The following CATSPERT variants were observed in gnomAD, a reference collection of about 807,000 sequenced individuals.
The protein encoded by CATSPERT is cation channel sperm-associated targeting subunit tau.
chr2:201,574,419 C>G, the CATSPERT span: 1 of 562,738 alleles, frequency 1.8e-6, no homozygotes, highest in East Asian at 3.2e-5. Context: ...AGCGTTTACA[C>G]AAGGAACTCC....
At chr2:201,574,697 C>T in the CATSPERT span, among the ~76,000 whole-genome samples, 2 of 152,018 alleles carry the variant, frequency 1.3e-5, no homozygotes, top group Non-Finnish European at 2.9e-5. Context: ...CAAGTGATTT[C>T]ACTTCTCTGA....
At chr2:201,544,428 A>G in the CATSPERT span, among the ~76,000 whole-genome samples, 1 of 152,162 alleles carries the variant, frequency 6.6e-6, no homozygotes, top group Admixed American at 6.5e-5. Context: ...AGAGATTTTT[A>G]AAAGACTGCA....
At chr2:201,591,552 T>C in the CATSPERT span, among the ~76,000 whole-genome samples, 8 of 152,184 alleles carry the variant, frequency 5.3e-5, no homozygotes, top group Non-Finnish European at 8.8e-5. Flanking sequence ...GGGGATGGCA[T>C]TGAATCTGTA....
At chr2:201,549,704 T>C in the CATSPERT span, 3 of 152,136 alleles carry the variant, frequency 2.0e-5, no homozygotes, top group Non-Finnish European at 4.4e-5. Flanking sequence ...ACTTACAAAA[T>C]CACACTGTAA....
the CATSPERT span, among the ~76,000 whole-genome samples, chr2:201,500,299 G>C: frequency 6.6e-6 from 1 of 151,952 alleles, no homozygotes; most frequent in African/African-American, 2.4e-5. Flanking sequence ...TAGATCACGA[G>C]GTCAGGAGAT....
At chr2:201,492,241 T>C in the CATSPERT span, 1 of 1,518,994 alleles carries the variant, frequency 6.6e-7, no homozygotes, top group Non-Finnish European at 8.8e-7. Context: ...AAAAGGTAAA[T>C]GTGTTTTTAT....
chr2:201,604,676 C>T, the CATSPERT span: 1 of 1,602,324 alleles, frequency 6.2e-7, no homozygotes, highest in African/African-American at 1.3e-5. Flanking sequence ...CTATCAGACT[C>T]TTTAAGAGTT....
chr2:201,572,819 T>A, the CATSPERT span, among the ~76,000 whole-genome samples: 1 of 152,188 alleles, frequency 6.6e-6, no homozygotes, highest in African/African-American at 2.4e-5. Flanking sequence ...TACTTCTGAT[T>A]CAAAATGTAT....
chr2:201,494,447 G>T, the CATSPERT span: 1 of 1,537,480 alleles, frequency 6.5e-7, no homozygotes, highest in Non-Finnish European at 8.7e-7. Context: ...GATACATTTG[G>T]TAGATTTTCT....
At chr2:201,519,120 T>C in the CATSPERT span, among the ~76,000 whole-genome samples, 2 of 152,208 alleles carry the variant, frequency 1.3e-5, no homozygotes, top group South Asian at 2.1e-4. Context: ...TTGTGAACTA[T>C]GCCCAAATCC....
chr2:201,581,660 G>A, the CATSPERT span, among the ~76,000 whole-genome samples: 1 of 144,278 alleles, frequency 6.9e-6, no homozygotes, highest in African/African-American at 2.6e-5. Context: ...CCAGGCTGGA[G>A]TGCAATGGTG....
At chr2:201,570,841 A>G in the CATSPERT span, among the ~76,000 whole-genome samples, 1 of 152,088 alleles carries the variant, frequency 6.6e-6, no homozygotes, top group Non-Finnish European at 1.5e-5. Context: ...CACTCCTCCA[A>G]AATCAGCCAG....
chr2:201,610,708 A>G, the CATSPERT span, among the ~76,000 whole-genome samples: 1 of 152,174 alleles, frequency 6.6e-6, no homozygotes, highest in Non-Finnish European at 1.5e-5. Context: ...AGATGCAAAA[A>G]TCTTCAACAA....
the CATSPERT span, among the ~76,000 whole-genome samples, chr2:201,521,096 A>C: frequency 1.3e-5 from 2 of 152,056 alleles, no homozygotes; most frequent in Non-Finnish European, 2.9e-5. Flanking sequence ...AATGAGACTG[A>C]ATTAGTAATA....
chr2:201,618,826 A>T, the CATSPERT span: 2 of 1,413,756 alleles, frequency 1.4e-6, no homozygotes, highest in Non-Finnish European at 2.0e-6. Flanking sequence ...TGAACCCTTT[A>T]ATCCTTTCAC....
At chr2:201,495,871 G>T in the CATSPERT span, 10 of 1,446,970 alleles carry the variant, frequency 6.9e-6, no homozygotes, top group African/African-American at 2.9e-5. Flanking sequence ...TAATGATACT[G>T]GGATAGAATA....
the CATSPERT span, among the ~76,000 whole-genome samples, chr2:201,586,881 C>G: frequency 2.0e-5 from 3 of 151,930 alleles, no homozygotes; most frequent in Admixed American, 6.6e-5. Context: ...CTCTTGATTT[C>G]CTAAAGTTTT....
At chr2:201,535,290 C>T in the CATSPERT span, 7 of 985,104 alleles carry the variant, frequency 7.1e-6, no homozygotes, top group Non-Finnish European at 8.4e-6. Flanking sequence ...TCACTTAGAA[C>T]TCAAATTCTT....
At chr2:201,600,291 A>G in the CATSPERT span, among the ~76,000 whole-genome samples, 1 of 152,216 alleles carries the variant, frequency 6.6e-6, no homozygotes, top group African/African-American at 2.4e-5. Flanking sequence ...TTGCAGGGAC[A>G]TGGATGAAGC....
Sources: gnomAD v4.1 joint callset for allele counts (sites outside exome capture counted in the v4.1 genomes callset) on GRCh38, gnomAD v4.1.1 for gene constraint, MANE v1.5 for transcripts, NCBI Gene and HGNC (gene_info 2026-07-23, HGNC 2026-07-21) for gene names.